LRP6: variants seen among roughly 807,000 people sequenced by gnomAD.
LRP6 encodes the protein LDL receptor related protein 6, also known as low-density lipoprotein receptor-related protein 6.
A neutral mutation model predicts 184.1 loss-of-function variants in LRP6; 43 were observed. The observed-to-expected ratio is 0.23, with a 90% confidence interval of 0.18 to 0.30. LRP6 has a LOEUF of 0.30. Among genes scored for constraint, LRP6 ranks in the 10% least tolerant of loss-of-function variants. LRP6 has a pLI of 1.00. For synonymous variants in LRP6, 719 were observed against 684.9 expected, an observed-to-expected ratio of 1.05 and a Z score of -0.78; for missense variants, 1,571 against 2,005.3, an observed-to-expected ratio of 0.78 and a Z score of 4.14.
intron 10 of LRP6, 127 bp downstream of exon 10, chr12:12,162,066 T>C: frequency 1.3e-6 from 1 of 741,722 alleles, no homozygotes; most frequent in Non-Finnish European, 2.3e-6. Flanking sequence ...TAAAAGTTCA[T>C]CTATCATTTA....
chr12:12,224,295 T>G (rs1039908355), intron 2 of LRP6, among the ~76,000 whole-genome samples: 4 of 152,176 alleles, frequency 2.6e-5, no homozygotes, highest in African/African-American at 9.7e-5. Context: ...TCTACATATA[T>G]AACATCTTAC....
intron 3 of LRP6, among the ~76,000 whole-genome samples, chr12:12,202,204 C>G (rs1863929184): frequency 2.0e-5 from 3 of 152,206 alleles, no homozygotes; most frequent in African/African-American, 7.2e-5. Context: ...TTCTCCTTGT[C>G]CAGAGATGAG....
intron 11 of LRP6, 65 bp from the exon 12 acceptor site, chr12:12,159,220 T>A (rs1472446767): frequency 3.2e-6 from 4 of 1,236,332 alleles, no homozygotes; most frequent in Admixed American, 3.7e-5. Context: ...AATACAAGTG[T>A]CTTGCTGGCA....
intron 2 of LRP6, among the ~76,000 whole-genome samples, chr12:12,220,287 CAA>C (rs924870246): frequency 8.7e-5 from 11 of 126,316 alleles, no homozygotes; most frequent in Non-Finnish European, 8.6e-5. Context: ...GAACCTGCCT[CAA>C]AAAAAAAAAA....
intron 17 of LRP6, 95 bp downstream of exon 17, chr12:12,135,080 C>A: frequency 6.3e-7 from 1 of 1,577,636 alleles, no homozygotes. Flanking sequence ...AGTTAGTAGA[C>A]AGAGCAACTT....
intron 1 of LRP6, among the ~76,000 whole-genome samples, chr12:12,245,839 A>G (rs1865170407): frequency 6.6e-6 from 1 of 152,050 alleles, no homozygotes; most frequent in Non-Finnish European, 1.5e-5. Flanking sequence ...TCAAGCAACA[A>G]TTAAAAATCT....
intron 2 of LRP6, among the ~76,000 whole-genome samples, chr12:12,210,648 G>T (rs1864185790): frequency 6.6e-6 from 1 of 152,142 alleles, no homozygotes; most frequent in Non-Finnish European, 1.5e-5. Flanking sequence ...ACATTAATGT[G>T]ACACATGTAA....
intron 3 of LRP6, among the ~76,000 whole-genome samples, chr12:12,193,369 G>C (rs1258709471): frequency 1.3e-5 from 2 of 149,080 alleles, no homozygotes; most frequent in African/African-American, 2.5e-5. Flanking sequence ...AAAACATTAG[G>C]GTTAAAAAAA....
At chr12:12,233,530 C>G (rs1438211505) in intron 2 of LRP6, among the ~76,000 whole-genome samples, 1 of 152,084 alleles carries the variant, frequency 6.6e-6, no homozygotes, top group Non-Finnish European at 1.5e-5. Context: ...GGACAGCTGA[C>G]CCAGTCTTTT....
At chr12:12,144,627 CAA>C (rs1432612352) in intron 15 of LRP6, among the ~76,000 whole-genome samples, 1 of 152,042 alleles carries the variant, frequency 6.6e-6, no homozygotes, top group African/African-American at 2.4e-5. Context: ...GGTGACAGGG[CAA>C]AACCCTTTCT....
At chr12:12,121,495 A>G in intron 22 of LRP6, 75 bp from the exon 23 acceptor site, 1 of 1,347,970 alleles carries the variant, frequency 7.4e-7, no homozygotes, top group East Asian at 2.3e-5. Context: ...GAATAGAGGT[A>G]TTAGATGTCA....
intron 2 of LRP6, among the ~76,000 whole-genome samples, chr12:12,227,934 G>C (rs1220061493): frequency 6.6e-6 from 1 of 152,176 alleles, no homozygotes; most frequent in East Asian, 1.9e-4. Context: ...AGGCAAGAGG[G>C]GAGCCCTTTC....
intron 7 of LRP6, among the ~76,000 whole-genome samples, chr12:12,168,660 G>A (rs1239826425): frequency 6.6e-6 from 1 of 152,038 alleles, no homozygotes; most frequent in Admixed American, 6.5e-5. Flanking sequence ...TTCAGCTTGT[G>A]TTAAAGATAA....
chr12:12,258,279 GA>G (rs1865521380), intron 1 of LRP6, among the ~76,000 whole-genome samples: 1 of 152,086 alleles, frequency 6.6e-6, no homozygotes, highest in South Asian at 2.1e-4. Context: ...ATCGTGACCA[GA>G]TAATTTTTTA....
At chr12:12,222,543 G>C (rs187079485) in intron 2 of LRP6, among the ~76,000 whole-genome samples, 1 of 149,728 alleles carries the variant, frequency 6.7e-6, no homozygotes, top group Non-Finnish European at 1.5e-5. Context: ...CTCCAGCCTG[G>C]GCGAGAAAGC....
chr12:12,138,374 G>A lies in LRP6; in HGVS notation c.3558C>T (p.Ala1186=). 6.2e-7 allele frequency: 1 copy of A among 1,614,002 alleles called. No individual in the cohort carries two copies. The highest frequency in any genetic ancestry group is 8.5e-7 in the Non-Finnish European group (1 of 1,179,994). Residue 1186 remains alanine, a synonymous_variant, in exon 16 of 23, where the codon GCC becomes GCT. Transcript: ENST00000261349. ...TTACTGCATGAATGTCACTAAGCTGGGCAATTCGAGCTTGGACTTTGGTTC... is the reference window on the plus strand; with the variant it reads ...TTACTGCATGAATGTCACTAAGCTGAGCAATTCGAGCTTGGACTTTGGTTC... ...EGRTKVQARI[A]QLSDIHAVKE... is the part of the protein sequence containing the mutation.
chr12:12,191,874 TTTCAAAAAATAAAATATTTGAAGGACA>T (rs1215543497), intron 3 of LRP6, among the ~76,000 whole-genome samples: 2 of 151,718 alleles, frequency 1.3e-5, no homozygotes, highest in Non-Finnish European at 2.9e-5. Context: ...AAAAAAATAT[TTTCAAAAAATAAAATATTTGAAGGACA>T]AAGGACAAGG....
Position 12,120,012 on chromosome 12 carries a change from TA to T in LRP6, c.*1113del, listed in dbSNP as rs1565519063. 1.0e-5 allele frequency: 1 copy of T among 95,928 alleles called. No individual in the cohort carries two copies. The highest frequency in any genetic ancestry group is 3.5e-5 in the African/African-American group (1 of 28,534). The allele number at this position is 95,928 out of a possible 1,614,324, so 5.9% of individuals were successfully genotyped here. Reference sequence around the variant, plus strand: ...CAAAATATATATATATATATATATATATATATATATATATATATATATATAT... The same window carrying T: ...CAAAATATATATATATATATATATATTATATATATATATATATATATATAT... On this transcript the variant is annotated 3_prime_UTR_variant, in exon 23 of 23. Transcript: ENST00000261349.
intron 1 of LRP6, among the ~76,000 whole-genome samples, chr12:12,246,078 C>T (rs962139759): frequency 1.8e-4 from 26 of 144,170 alleles, no homozygotes; most frequent in Non-Finnish European, 3.1e-4. Flanking sequence ...TCTCAGCTCA[C>T]TGCAGCCTCC....
Sources: allele counts gnomAD v4.1 joint callset (sites outside exome capture counted in the v4.1 genomes callset), GRCh38; gene constraint gnomAD v4.1.1; transcripts MANE v1.5; gene names NCBI Gene and HGNC (gene_info 2026-07-23, HGNC 2026-07-21).